GRM8: variants seen among roughly 807,000 people sequenced by gnomAD.
GRM8 encodes the protein glutamate metabotropic receptor 8.
GRM8 carries 47 observed loss-of-function variants against 87.2 expected under a neutral mutation model. The ratio of observed to expected loss-of-function variants is 0.54; its 90% CI spans 0.43 to 0.69. The LOEUF is 0.69. Ranked by LOEUF, GRM8 falls within the 30% of genes least tolerant of loss-of-function variation. The pLI is 0.00. For missense variants in GRM8, 1,019 were observed against 1,139.2 expected, an observed-to-expected ratio of 0.89 and a Z score of 1.52; for synonymous variants, 396 against 404.5, an observed-to-expected ratio of 0.98 and a Z score of 0.25.
intron 9 of GRM8, among the ~76,000 whole-genome samples, 153 bp downstream of exon 9, chr7:126,532,799 A>ATATATG (rs1815056464): frequency 1.7e-5 from 1 of 57,768 alleles, no homozygotes. Context: ...ATATATATAT[A>ATATATG]TATATATATA....
rs189772820 is a variant in GRM8 at position 126,475,728 on chromosome 7, C to T, written c.2431-29356G>A. 2.6e-5 allele frequency among the ~76,000 whole-genome samples: 4 copies of T among 152,112 alleles called. No individual in the cohort carries two copies. In the East Asian group the frequency reaches 7.8e-4, roughly 30 times the overall value. Reference sequence around the variant, plus strand: ...CCTGATTAGAAACTACATTACAAAGCTATAGTAATCAAAACAGCATGGTGC... The same window carrying T: ...CCTGATTAGAAACTACATTACAAAGTTATAGTAATCAAAACAGCATGGTGC... On this transcript the variant is annotated intron_variant, in intron 9 of 10. Coordinates refer to ENST00000339582, the MANE Select transcript of GRM8 (RefSeq NM_000845.3).
At chr7:127,034,890 A>C (rs1586812638) in intron 3 of GRM8, among the ~76,000 whole-genome samples, 2 of 152,188 alleles carry the variant, frequency 1.3e-5, no homozygotes, top group East Asian at 3.8e-4. Context: ...ACTTTCACTC[A>C]AGCCATTTCA....
At chr7:126,564,085 G>C (rs1413600369) in intron 8 of GRM8, among the ~76,000 whole-genome samples, 1 of 152,224 alleles carries the variant, frequency 6.6e-6, no homozygotes, top group Non-Finnish European at 1.5e-5. Context: ...TTAGCAGTTT[G>C]GGTGGTCCCA....
chr7:126,964,972 T>C (rs1007527619), intron 3 of GRM8, among the ~76,000 whole-genome samples: 6 of 152,186 alleles, frequency 3.9e-5, no homozygotes, highest in African/African-American at 1.4e-4. Context: ...TGGAATACTA[T>C]GTAGCCATAA....
intron 2 of GRM8, among the ~76,000 whole-genome samples, chr7:127,223,981 A>T (rs1043548837): frequency 2.0e-5 from 3 of 152,064 alleles, no homozygotes; most frequent in Non-Finnish European, 4.4e-5. Flanking sequence ...GGCCAAAAAA[A>T]ATCTGTGAAC....
At chr7:127,076,140 G>C (rs757945010) in intron 3 of GRM8, 1 of 456,532 alleles carries the variant, frequency 2.2e-6, no homozygotes, top group South Asian at 1.5e-5. Context: ...TTGAGCATCT[G>C]ACAGCTGCAT....
chr7:126,727,021 T>C (rs187106831), intron 7 of GRM8, among the ~76,000 whole-genome samples: 9 of 152,228 alleles, frequency 5.9e-5, no homozygotes, highest in Non-Finnish European at 1.0e-4. Context: ...CTCAATTAGC[T>C]ATGTTCCAAT....
In GRM8 at chr7:127,053,798, AG is replaced by A. The variant is rs33927872; in HGVS notation, c.727+52697del. Among the ~76,000 whole-genome samples the A allele has an allele frequency of 1.7e-3, 180 of 104,426 alleles. 8 individuals are homozygous for A. Among genetic ancestry groups the A allele is most frequent in the Non-Finnish European group, 2.0e-3 (108 of 54,258 alleles). 68.5% of individuals were successfully genotyped at this position (104,426 alleles called of 152,430 possible). On this transcript the variant is annotated intron_variant, in intron 3 of 10. Coordinates refer to ENST00000339582, the MANE Select transcript of GRM8 (RefSeq NM_000845.3). ...GCGAGACTCTGTCTCAAAAAAAAAA[AG>A]GGGGGGGGGAATATACATTTCATCT...
chr7:126,690,608 A>C (rs1808700335), intron 7 of GRM8, among the ~76,000 whole-genome samples: 1 of 152,126 alleles, frequency 6.6e-6, no homozygotes, highest in African/African-American at 2.4e-5. Context: ...CATGGTGAGC[A>C]AGGGGTGTGT....
intron 9 of GRM8, among the ~76,000 whole-genome samples, chr7:126,456,537 A>AAAAAAAAAAAAAAAAC (rs1803260341): frequency 8.1e-6 from 1 of 123,380 alleles, no homozygotes; most frequent in African/African-American, 2.7e-5. Context: ...AAAAAAAAAA[A>AAAAAAAAAAAAAAAAC]AAAAAAAAAT....
intron 3 of GRM8, among the ~76,000 whole-genome samples, chr7:127,044,512 A>G (rs985805241): frequency 6.6e-6 from 1 of 152,166 alleles, no homozygotes; most frequent in Non-Finnish European, 1.5e-5. Flanking sequence ...ATCTACCTAA[A>G]TTATGCATAC....
intron 8 of GRM8, among the ~76,000 whole-genome samples, chr7:126,602,029 A>G (rs1797830936): frequency 1.7e-5 from 2 of 120,288 alleles, no homozygotes; most frequent in African/African-American, 5.8e-5. Context: ...CTGAATGGTA[A>G]TGCCTAGGTT....
intron 8 of GRM8, among the ~76,000 whole-genome samples, chr7:126,561,617 ATTAT>A (rs778197968): frequency 3.0e-4 from 45 of 151,502 alleles, no homozygotes; most frequent in Non-Finnish European, 5.4e-4. Context: ...TTATTTTTTT[ATTAT>A]TTATTTATTT....
At chr7:126,577,897 T>C (rs1002922537) in intron 8 of GRM8, among the ~76,000 whole-genome samples, 2 of 152,162 alleles carry the variant, frequency 1.3e-5, no homozygotes, top group African/African-American at 4.8e-5. Flanking sequence ...TCTTCTTTCA[T>C]AACTCTTAAA....
intron 2 of GRM8, among the ~76,000 whole-genome samples, chr7:127,221,631 G>A (rs925507919): frequency 1.3e-5 from 2 of 152,158 alleles, no homozygotes; most frequent in African/African-American, 4.8e-5. Flanking sequence ...CCTTTCTCCT[G>A]AGAATGCTCG....
chr7:127,168,982 C>T (rs1793620939), intron 2 of GRM8, among the ~76,000 whole-genome samples: 3 of 143,210 alleles, frequency 2.1e-5, no homozygotes, highest in Non-Finnish European at 4.5e-5. Flanking sequence ...ACGTTCTGCA[C>T]ATGTACTGCA....
Position 126,439,042 on chromosome 7 carries a change from G to C in GRM8, c.*77C>G, listed in dbSNP as rs1009623326. On this transcript the variant is annotated 3_prime_UTR_variant, in exon 11 of 11. Transcript: ENST00000339582. ...GATTGTAGTCTACGGAGATCTCCAG[G>C]AGTGAATTTTTGCGGTCTCATGTTC... 1.2e-6 allele frequency: 1 copy of C among 846,806 alleles called. No homozygotes were observed. Among genetic ancestry groups the C allele is most frequent in the Non-Finnish European group, 2.1e-6 (1 of 481,712 alleles). The allele number at this position is 846,806 out of a possible 1,614,324, so 52.5% of individuals were successfully genotyped here.
At chr7:127,087,992 T>C (rs2299531) in intron 3 of GRM8, among the ~76,000 whole-genome samples, 35,947 of 152,154 alleles carry the variant, frequency 0.24, 5,016 homozygotes, top group Non-Finnish European at 0.33. Context: ...ATTTTTTAAA[T>C]GAGGAAATGA....
rs77049748 is a variant in GRM8, at chr7:126,608,330, G to A, written c.1494+1032C>T. Among the ~76,000 whole-genome samples, 783 of 152,226 alleles carry A rather than the reference G, an allele frequency of 5.1e-3. 7 individuals carry two copies. Among genetic ancestry groups the A allele is most frequent in the African/African-American group, 0.018 (747 of 41,550 alleles). ...GAGTGCCCACCAGCCTGAGACACCT[G>A]ATGAAGTTCCTCCTCCGTACTGCCA... On this transcript the variant is annotated intron_variant, in intron 8 of 10. Coordinates refer to ENST00000339582, the MANE Select transcript of GRM8 (RefSeq NM_000845.3).
Sources: gnomAD v4.1 joint callset for allele counts (sites outside exome capture counted in the v4.1 genomes callset) on GRCh38, gnomAD v4.1.1 for gene constraint, MANE v1.5 for transcripts, NCBI Gene and HGNC (gene_info 2026-07-23, HGNC 2026-07-21) for gene names.